The following CC2D1B variants were observed in gnomAD, a reference collection of about 807,000 sequenced individuals.
The protein encoded by CC2D1B is coiled-coil and C2 domain-containing protein 1B.
In CC2D1B, 92 loss-of-function variants were observed where a neutral mutation model predicts 110.8. The ratio of observed to expected loss-of-function variants is 0.83; its 90% CI spans 0.70 to 0.99. The LOEUF is 0.99. Among genes scored for constraint, CC2D1B ranks in the 50% least tolerant of loss-of-function variants. The pLI is 0.00. For missense variants in CC2D1B, 1,136 were observed against 1,089.0 expected, an observed-to-expected ratio of 1.04 and a Z score of -0.61; for synonymous variants, 406 against 429.2, an observed-to-expected ratio of 0.95 and a Z score of 0.67.
Position 52,358,473 on chromosome 1 carries a change from A to C in CC2D1B, c.1331-12T>G. 1 of 1,613,300 alleles carries C rather than the reference A, an allele frequency of 6.2e-7. No individual in the cohort carries two copies. Among genetic ancestry groups the C allele is most frequent in the South Asian group, 1.1e-5 (1 of 91,062 alleles). ...GATGGGGGGAAATCCTGTGGGAGAG[A>C]GACAGCATGGGAGGGGCAGGGAGCA... On this transcript the variant is annotated splice_polypyrimidine_tract_variant and intron_variant, in intron 12 of 24. Coordinates refer to ENST00000284376, the MANE Select transcript of CC2D1B (RefSeq NM_001330585.2).
At chr1:52,358,037 T>C (rs1022038332) in intron 13 of CC2D1B, 139 bp from the exon 14 acceptor site, 1 of 1,306,614 alleles carries the variant, frequency 7.7e-7, no homozygotes, top group East Asian at 2.5e-5. Flanking sequence ...TCCTGGGTCC[T>C]AAAAGATCTG....
At position 52,360,788 on chromosome 1, in the gene CC2D1B, CAGAG is replaced by C. The variant is rs548238416; in HGVS notation, c.477+182_477+185del. ...GCTCCCGGGGGGTAGTCTAGGAGAA[CAGAG>C]AGGCCTTTGAGGCTGGCTGCCACGG... is the stretch of plus-strand genomic sequence containing the variant. On this transcript the variant is annotated intron_variant, in intron 5 of 24. Transcript: ENST00000284376. The C allele has an allele frequency of 6.8e-4, 616 of 903,304 alleles. 4 individuals carry two copies. The African/African-American group carries it at 9.6e-3, about 14-fold the overall frequency. The allele number at this position is 903,304 out of a possible 1,614,324, so 56.0% of individuals were successfully genotyped here.
chr1:52,359,199 C>T (rs1646723716), intron 10 of CC2D1B, 42 bp from the exon 11 acceptor site: 3 of 1,609,816 alleles, frequency 1.9e-6, no homozygotes, highest in Non-Finnish European at 2.5e-6. Flanking sequence ...GGTCAGCCTG[C>T]CCTCCAATGC....
intron 3 of CC2D1B, 39 bp from the exon 4 acceptor site, chr1:52,361,655 A>T: frequency 6.2e-7 from 1 of 1,612,972 alleles, no homozygotes; most frequent in South Asian, 1.1e-5. Context: ...CACAACTCAG[A>T]TAAGTTCAGG....
At position 52,354,600 on chromosome 1, in the gene CC2D1B, G is replaced by A. The variant is rs1646602856; in HGVS notation, c.2430+8C>T. ...ACCCCTTTGGCTTGCCCACACCCCA[G>A]CCCCTACCTCCACAATTTCTCTGAT... On this transcript the variant is annotated splice_region_variant and intron_variant, in intron 23 of 24. Coordinates refer to ENST00000284376, the MANE Select transcript of CC2D1B (RefSeq NM_001330585.2). 6.2e-7 allele frequency: 1 copy of A among 1,613,346 alleles called. No homozygotes were observed. Among genetic ancestry groups the A allele is most frequent in the Non-Finnish European group, 8.5e-7 (1 of 1,179,394 alleles).
In CC2D1B at chr1:52,356,232, C is replaced by T. The variant is rs201251038; in HGVS notation, c.2008G>A (p.Asp670Asn). ...ILQLAQAQGL[D>N]PPTHHFELKT... ...AACTCAAAGTGGTGGGTGGGAGGGT[C>T]GAGGCCCTGAGCCTGGGCCAGCTGC... is the stretch of plus-strand genomic sequence containing the variant. The change falls in exon 18 of 25, where the codon GAC (aspartate) becomes AAC (asparagine). Residue 670 changes from aspartate (D) to asparagine (N), a missense_variant. Transcript: ENST00000284376. 9.3e-6 allele frequency: 15 copies of T among 1,614,120 alleles called. No homozygotes were observed. Among genetic ancestry groups the T allele is most frequent in the Admixed American group, 6.7e-5 (4 of 60,016 alleles).
At chr1:52,363,031 T>G (rs947431407) in intron 2 of CC2D1B, among the ~76,000 whole-genome samples, 1 of 152,230 alleles carries the variant, frequency 6.6e-6, no homozygotes, top group Non-Finnish European at 1.5e-5. Flanking sequence ...GCTGCCATCA[T>G]GCACTGTTCT....
chr1:52,354,568 C>A (rs754070552), intron 23 of CC2D1B, 40 bp downstream of exon 23: 1 of 1,547,114 alleles, frequency 6.5e-7, no homozygotes, highest in Non-Finnish European at 8.9e-7. Context: ...TGGCTCTTGT[C>A]GTACCAACCC....
rs1425649831 is a variant in CC2D1B at position 52,361,088 on chromosome 1, G to T, written c.363C>A (p.Pro121=). ...GGTCAGCTACCTCATCACCATCCAG[G>T]GGCTCAGTCTCCTCGTCCACACCTA... The part of the protein sequence containing the change: ...EVLGVDEETE[P]LDGDEVADPG... Residue 121 remains proline, a synonymous_variant, in exon 5 of 25, where the codon CCC becomes CCA. Transcript: ENST00000284376. 2 of 1,613,824 alleles carry T rather than the reference G, an allele frequency of 1.2e-6. No homozygotes were observed. The highest frequency in any genetic ancestry group is 1.7e-6 in the Non-Finnish European group (2 of 1,179,982).
chr1:52,352,239 A>T lies in CC2D1B; in HGVS notation c.*986T>A, dbSNP rs1378703978. ...AGTTTTGAATATTAAATCTCTTACA[A>T]CTACAAACCCCTTCATAGTCTCCAT... On this transcript the variant is annotated 3_prime_UTR_variant, in exon 25 of 25. Coordinates refer to ENST00000284376, the MANE Select transcript of CC2D1B (RefSeq NM_001330585.2). 6.6e-6 allele frequency: 1 copy of T among 152,256 alleles called. No individual in the cohort carries two copies. The highest frequency in any genetic ancestry group is 1.5e-5 in the Non-Finnish European group (1 of 68,044). 9.4% of individuals were successfully genotyped at this position (152,256 alleles called of 1,614,324 possible).
intron 16 of CC2D1B, 45 bp downstream of exon 16, chr1:52,356,956 A>T (rs990167579): frequency 6.6e-7 from 1 of 1,526,034 alleles, no homozygotes; most frequent in Non-Finnish European, 8.8e-7. Context: ...CTCCACGGGG[A>T]GGCTGTGGGC....
In CC2D1B at chr1:52,353,579, A is replaced by G. The variant is rs374120552; in HGVS notation, c.2499T>C (p.Ser833=). 2 of 1,613,758 alleles carry G rather than the reference A, an allele frequency of 1.2e-6. No homozygotes were observed. The highest frequency in any genetic ancestry group is 1.3e-5 in the African/African-American group (1 of 74,882). Residue 833 remains serine, a synonymous_variant, in exon 24 of 25, where the codon AGT becomes AGC. Coordinates refer to ENST00000284376, the MANE Select transcript of CC2D1B (RefSeq NM_001330585.2). Reference sequence around the variant, plus strand: ...CAGTGACCATCTGCACATCCTGGCCACTCAGAGGCTCCCGCAGCCTCACCT... The same window carrying G: ...CAGTGACCATCTGCACATCCTGGCCGCTCAGAGGCTCCCGCAGCCTCACCT... ...EVKVRLREPL[S]GQDVQMVTEN...
intron 2 of CC2D1B, 46 bp downstream of exon 2, chr1:52,364,506 C>G: frequency 7.2e-7 from 1 of 1,386,344 alleles, no homozygotes. Flanking sequence ...TCTAGGGACC[C>G]CCATCCCCAA....
rs1385706561 is a variant in CC2D1B at position 52,355,603 on chromosome 1, C to T, written c.2187+5G>A. 1.9e-6 allele frequency: 3 copies of T among 1,614,040 alleles called. No individual in the cohort carries two copies. The highest frequency in any genetic ancestry group is 2.5e-6 in the Non-Finnish European group (3 of 1,179,998). On this transcript the variant is annotated splice_donor_5th_base_variant and intron_variant, in intron 20 of 24. Transcript: ENST00000284376. ...CAGAGGATCCTACTTCTACCTGAAC[C>T]TCACCGAGTTAGGGTAGTGAAACTC...
chr1:52,356,925 T>G (rs1646665091), intron 16 of CC2D1B, 76 bp downstream of exon 16: 2 of 1,470,556 alleles, frequency 1.4e-6, no homozygotes, highest in Admixed American at 2.5e-5. Context: ...CAGGGCTGTG[T>G]GGTCTGAGCT....
At chr1:52,362,964 A>G (rs904375231) in intron 2 of CC2D1B, among the ~76,000 whole-genome samples, 3 of 152,248 alleles carry the variant, frequency 2.0e-5, no homozygotes, top group Admixed American at 6.5e-5. Context: ...TGAAACTGAG[A>G]CAGTCTTGTG....
chr1:52,362,674 G>T lies in CC2D1B; in HGVS notation c.142C>A (p.Leu48Met), dbSNP rs1327732462. 6.2e-7 allele frequency: 1 copy of T among 1,614,166 alleles called. No individual in the cohort carries two copies. The highest frequency in any genetic ancestry group is 8.5e-7 in the Non-Finnish European group (1 of 1,180,030). The change falls in exon 3 of 25, where the codon CTG becomes ATG. Residue 48 changes from leucine to methionine, a missense_variant. Transcript: ENST00000284376. ...GTGAGAGCCAGCAGCTCAGCCTCCA[G>T]GTCCTCATCATCTTCAGCCTCATCC... The part of the protein sequence containing the change: ...GMDEAEDDED[L>M]EAELLALTGE...
At position 52,355,990 on chromosome 1, in the gene CC2D1B, G is replaced by A. The variant is rs41294500; in HGVS notation, c.2055-146C>T. 5.2e-3 allele frequency: 4,902 copies of A among 948,684 alleles called. 16 individuals carry two copies. Among genetic ancestry groups the A allele is most frequent in the Non-Finnish European group, 7.5e-3 (4,409 of 591,648 alleles). 58.8% of individuals were successfully genotyped at this position (948,684 alleles called of 1,614,324 possible). A position where few individuals can be genotyped will look rare whatever the true frequency, so the allele number is the denominator to read the frequency against. Reference sequence around the variant, plus strand: ...TGCAGACCTTGATCTCTGACTTCTGGTCCAGAGCTCTTTCCACAGCACCCA... The same window carrying A: ...TGCAGACCTTGATCTCTGACTTCTGATCCAGAGCTCTTTCCACAGCACCCA... On this transcript the variant is annotated intron_variant, in intron 18 of 24. Coordinates refer to ENST00000284376, the MANE Select transcript of CC2D1B (RefSeq NM_001330585.2).
At chr1:52,353,415 T>G in intron 24 of CC2D1B, 103 bp downstream of exon 24, 1 of 1,523,500 alleles carries the variant, frequency 6.6e-7, no homozygotes, top group Non-Finnish European at 8.8e-7. Context: ...TAGGTCTTTC[T>G]CATAGATGAG....
Sources: gnomAD v4.1 joint callset for allele counts (sites outside exome capture counted in the v4.1 genomes callset) on GRCh38, gnomAD v4.1.1 for gene constraint, MANE v1.5 for transcripts, NCBI Gene and HGNC (gene_info 2026-07-23, HGNC 2026-07-21) for gene names.